SERPINI2: variants seen among roughly 807,000 people sequenced by gnomAD.
The protein encoded by SERPINI2 is serpin I2.
In SERPINI2, 48 loss-of-function variants were observed where a neutral mutation model predicts 47.3. The observed-to-expected ratio is 1.02, with a 90% CI of 0.81 to 1.29. The LOEUF (loss-of-function observed/expected upper bound fraction) is 1.29. SERPINI2 is among the 50% of genes most tolerant of loss of function. The pLI is 0.00. For missense variants in SERPINI2, 448 were observed against 456.9 expected, an observed-to-expected ratio of 0.98 and a Z score of 0.18; for synonymous variants, 135 against 149.3, an observed-to-expected ratio of 0.90 and a Z score of 0.70.
intron 5 of SERPINI2, among the ~76,000 whole-genome samples, chr3:167,458,484 G>A (rs533974970): frequency 2.7e-5 from 4 of 148,970 alleles, no homozygotes; most frequent in Middle Eastern, 3.5e-3. Context: ...GGATGGTCTC[G>A]ATCTCCTGAC....
At chr3:167,458,422 T>C in intron 5 of SERPINI2, among the ~76,000 whole-genome samples, 1 of 127,452 alleles carries the variant, frequency 7.8e-6, no homozygotes, top group African/African-American at 2.9e-5. Context: ...GGCTAATTGT[T>C]TGTATTTTTT....
chr3:167,455,737 G>A (rs1419188629), intron 5 of SERPINI2, among the ~76,000 whole-genome samples: 1 of 152,174 alleles, frequency 6.6e-6, no homozygotes, highest in African/African-American at 2.4e-5. Flanking sequence ...TGGTTACCAG[G>A]GAGGTATCAG....
At position 167,465,192 on chromosome 3, in the gene SERPINI2, A is replaced by G. The variant is rs1334886186; in HGVS notation, c.866+14T>C. 6.3e-7 allele frequency: 1 copy of G among 1,593,050 alleles called. No individual in the cohort carries two copies. The highest frequency in any genetic ancestry group is 2.2e-5 in the East Asian group (1 of 44,644). ...GAAACGTAAGAACTCGTATAATAAA[A>G]TAACATCACCAACCTAGGGAGGCTT... On this transcript the variant is annotated intron_variant, in intron 5 of 8. Coordinates refer to ENST00000264677, the Ensembl canonical transcript of SERPINI2.
intron 5 of SERPINI2, among the ~76,000 whole-genome samples, chr3:167,464,009 C>CTGTTTTTTT (rs1750060145): frequency 1.1e-5 from 1 of 93,262 alleles, no homozygotes. Context: ...ACAGGAGTGG[C>CTGTTTTTTT]TTTTTTTTTT....
At chr3:167,468,466 A>T (rs922536908) in intron 2 of SERPINI2, among the ~76,000 whole-genome samples, 2 of 152,104 alleles carry the variant, frequency 1.3e-5, no homozygotes, top group Non-Finnish European at 2.9e-5. Flanking sequence ...TGGGTTACAG[A>T]GGCTACATTT....
At chr3:167,446,447 T>C (rs1012002826) in exon 8 of SERPINI2, 13 of 1,610,244 alleles carry the variant, frequency 8.1e-6, no homozygotes, top group Non-Finnish European at 1.1e-5. Context: ...TAAATTGGCT[T>C]TGAGCCAGAC....
chr3:167,459,285 G>A (rs1047163465), intron 5 of SERPINI2, among the ~76,000 whole-genome samples: 35 of 151,388 alleles, frequency 2.3e-4, no homozygotes, highest in African/African-American at 6.1e-4. Flanking sequence ...CGTTTTAGCC[G>A]GGATGGTCTC....
exon 4 of SERPINI2, chr3:167,465,605 T>C: frequency 1.2e-6 from 2 of 1,613,622 alleles, no homozygotes; most frequent in Non-Finnish European, 1.7e-6. Flanking sequence ...TTGAAATAAA[T>C]AGCATTCACC....
At chr3:167,464,467 C>G (rs1750076298) in intron 5 of SERPINI2, among the ~76,000 whole-genome samples, 1 of 152,064 alleles carries the variant, frequency 6.6e-6, no homozygotes, top group Admixed American at 6.6e-5. Flanking sequence ...GAAGTAAAAA[C>G]CAAGAGGTTT....
upstream of SERPINI2, among the ~76,000 whole-genome samples, chr3:167,475,723 C>CGGGGG (rs141289108): frequency 7.9e-5 from 11 of 139,672 alleles, no homozygotes; most frequent in African/African-American, 2.6e-4. Flanking sequence ...CCTAGAAAAT[C>CGGGGG]GGGGTGGGGG....
At chr3:167,461,655 G>T (rs1392217986) in intron 5 of SERPINI2, among the ~76,000 whole-genome samples, 1 of 151,730 alleles carries the variant, frequency 6.6e-6, no homozygotes, top group South Asian at 2.1e-4. Context: ...TTGCTGCCCA[G>T]GCTGGAGTGC....
rs149727089 is a variant in SERPINI2, at chr3:167,458,909, A to G, written c.867-5876T>C. ...ATTAAAATATAAATGCTAACACTTC[A>G]CAAAGTTAAAAGTTACTTGTTTATT... On this transcript the variant is annotated intron_variant, in intron 5 of 8. Coordinates refer to ENST00000264677, the Ensembl canonical transcript of SERPINI2. Among the ~76,000 whole-genome samples, 797 of 152,270 alleles carry G rather than the reference A, an allele frequency of 5.2e-3. 7 individuals are homozygous for G. Among genetic ancestry groups the G allele is most frequent in the African/African-American group, 0.018 (753 of 41,544 alleles).
In SERPINI2 at chr3:167,452,933, T is replaced by C; in HGVS notation, c.964+3A>G. The C allele has an allele frequency of 1.3e-6, 2 of 1,542,366 alleles. No homozygotes were observed. Among genetic ancestry groups the C allele is most frequent in the Non-Finnish European group, 1.8e-6 (2 of 1,125,048 alleles). ...ATAATATAAGAATTATTTATCATAC[T>C]ACCTGTTATTCCAGAAAGGTCGCAG... On this transcript the variant is annotated splice_donor_region_variant and intron_variant, in intron 6 of 8. Transcript: ENST00000264677.
exon 5 of SERPINI2, chr3:167,465,206 C>T (rs772373645): frequency 6.2e-7 from 1 of 1,606,412 alleles, no homozygotes; most frequent in Non-Finnish European, 8.5e-7. Flanking sequence ...CATCACCAAC[C>T]TAGGGAGGCT....
upstream of SERPINI2, among the ~76,000 whole-genome samples, chr3:167,476,932 A>G (rs956905081): frequency 1.3e-5 from 2 of 151,988 alleles, no homozygotes; most frequent in African/African-American, 4.8e-5. Context: ...ATTTCTGGGC[A>G]TGTGGCTCAG....
intron 7 of SERPINI2, 67 bp from the exon 8 acceptor site, chr3:167,446,548 T>TGGCGTGAACCCCAGGGGGCGG: frequency 9.6e-7 from 1 of 1,039,582 alleles, no homozygotes; most frequent in East Asian, 2.4e-5. Context: ...AGTATATTCA[T>TGGCGTGAACCCCAGGGGGCGG]AATACATTTT....
chr3:167,450,188 C>T (rs1485942251), intron 6 of SERPINI2, among the ~76,000 whole-genome samples: 1 of 152,214 alleles, frequency 6.6e-6, no homozygotes, highest in Admixed American at 6.5e-5. Flanking sequence ...CTATGAAATT[C>T]TAAGGAACTT....
chr3:167,473,277 C>G (rs79330574), intron 1 of SERPINI2, among the ~76,000 whole-genome samples: 1,553 of 151,698 alleles, frequency 0.01, 26 homozygotes, highest in African/African-American at 0.036. Context: ...TAATATCAAG[C>G]AAATGTTTCA....
intron 1 of SERPINI2, 56 bp downstream of exon 1, chr3:167,473,944 ATAG>A: frequency 1.5e-5 from 18 of 1,178,722 alleles, no homozygotes; most frequent in Non-Finnish European, 1.9e-5. Flanking sequence ...CTAAACATTC[ATAG>A]GCAATGTTAT....
Sources: gnomAD v4.1 joint callset for allele counts (sites outside exome capture counted in the v4.1 genomes callset) on GRCh38, gnomAD v4.1.1 for gene constraint, MANE v1.5 for transcripts, NCBI Gene and HGNC (gene_info 2026-07-23, HGNC 2026-07-21) for gene names.